The following CCBE1 variants were observed in gnomAD, a reference collection of about 807,000 sequenced individuals.
CCBE1 encodes collagen and calcium binding EGF domains 1.
In CCBE1, 37 loss-of-function variants were observed where a neutral mutation model predicts 50.0. That is an observed-to-expected ratio of 0.74 (90% CI 0.57 to 0.97). CCBE1 has a LOEUF of 0.97. Among genes scored for constraint, CCBE1 ranks in the 50% least tolerant of loss-of-function variants. CCBE1 has a pLI of 0.00. For missense variants in CCBE1, 538 were observed against 523.8 expected, an observed-to-expected ratio of 1.03 and a Z score of -0.26; for synonymous variants, 234 against 203.7, an observed-to-expected ratio of 1.15 and a Z score of -1.27.
At chr18:59,570,639 C>T (rs999784632) in intron 2 of CCBE1, among the ~76,000 whole-genome samples, 2 of 151,372 alleles carry the variant, frequency 1.3e-5, no homozygotes, top group Non-Finnish European at 2.9e-5. Context: ...AGTGACCTCT[C>T]AAGAAAATGA....
In CCBE1 at chr18:59,432,598, T is replaced by A. The variant is rs1388474313; in HGVS notation, c.*3310A>T. The stretch of plus-strand genomic sequence containing the variant: ...ATGATTTGGGCATAAAAAGTACATA[T>A]CAGTCTTGCAGTAGTCCAAGTTTTG... On this transcript the variant is annotated 3_prime_UTR_variant, in exon 11 of 11. Transcript: ENST00000439986. The A allele has an allele frequency of 6.6e-6, 1 of 152,186 alleles. No individual in the cohort carries two copies. The highest frequency in any genetic ancestry group is 1.5e-5 in the Non-Finnish European group (1 of 68,028). The allele number at this position is 152,186 out of a possible 1,614,324, so 9.4% of individuals were successfully genotyped here. A position where few individuals can be genotyped will look rare whatever the true frequency, so the allele number is the denominator to read the frequency against.
intron 2 of CCBE1, among the ~76,000 whole-genome samples, chr18:59,684,166 T>G (rs893929937): frequency 2.0e-5 from 3 of 152,150 alleles, no homozygotes; most frequent in African/African-American, 7.2e-5. Context: ...TCCACTCAGA[T>G]CCTCTCATGC....
chr18:59,468,685 A>G (rs971244106), intron 4 of CCBE1, among the ~76,000 whole-genome samples: 1 of 152,168 alleles, frequency 6.6e-6, no homozygotes, highest in African/African-American at 2.4e-5. Context: ...TTTATCTTCC[A>G]TGTAGGTCTA....
intron 2 of CCBE1, among the ~76,000 whole-genome samples, chr18:59,522,846 G>A (rs779902383): frequency 3.7e-4 from 57 of 152,004 alleles, no homozygotes; most frequent in Admixed American, 7.9e-4. Context: ...CAAAAAATTA[G>A]CCGGGCGTGG....
chr18:59,696,509 G>A (rs997869467), intron 2 of CCBE1, 120 bp downstream of exon 2: 1 of 1,562,950 alleles, frequency 6.4e-7, no homozygotes, highest in Non-Finnish European at 8.6e-7. Context: ...CACCCAGCAG[G>A]TTCCAGCGTA....
chr18:59,549,595 G>T (rs2144409875), intron 2 of CCBE1, among the ~76,000 whole-genome samples: 1 of 152,272 alleles, frequency 6.6e-6, no homozygotes, highest in Middle Eastern at 3.4e-3. Flanking sequence ...AAGTCCCACT[G>T]ACTTCTGTTA....
chr18:59,656,558 A>G (rs6567111), intron 2 of CCBE1, among the ~76,000 whole-genome samples: 69,301 of 152,128 alleles, frequency 0.46, 17,179 homozygotes, highest in African/African-American at 0.65. Flanking sequence ...TAAGGACGCC[A>G]CTCTGAGAAC....
At chr18:59,572,896 G>A (rs1022238473) in intron 2 of CCBE1, among the ~76,000 whole-genome samples, 2 of 152,160 alleles carry the variant, frequency 1.3e-5, no homozygotes, top group African/African-American at 4.8e-5. Flanking sequence ...CAGTTGCTTG[G>A]ACAAACACTA....
At chr18:59,667,936 T>C (rs2054377914) in intron 2 of CCBE1, among the ~76,000 whole-genome samples, 1 of 151,906 alleles carries the variant, frequency 6.6e-6, no homozygotes, top group African/African-American at 2.4e-5. Context: ...GGTGTTACGA[T>C]GGACACAGGG....
chr18:59,531,712 C>G (rs147435881), intron 2 of CCBE1, among the ~76,000 whole-genome samples: 1 of 152,170 alleles, frequency 6.6e-6, no homozygotes, highest in Non-Finnish European at 1.5e-5. Flanking sequence ...CCACTGCACT[C>G]CAGCCTGGGC....
chr18:59,445,370 G>C (rs1910623539), intron 7 of CCBE1, among the ~76,000 whole-genome samples: 1 of 152,162 alleles, frequency 6.6e-6, no homozygotes, highest in Non-Finnish European at 1.5e-5. Context: ...GGGCTGCTTA[G>C]TAAATGTTTT....
chr18:59,578,595 C>T (rs980435591), intron 2 of CCBE1, among the ~76,000 whole-genome samples: 1 of 152,212 alleles, frequency 6.6e-6, no homozygotes, highest in African/African-American at 2.4e-5. Context: ...GGCACATATA[C>T]ACCGTAGAAT....
Position 59,680,051 on chromosome 18 carries a change from T to C in CCBE1, c.212+16578A>G, listed in dbSNP as rs1043572958. On this transcript the variant is annotated intron_variant, in intron 2 of 10. Transcript: ENST00000439986. ...ACTCGGACAACATGGTGAAACCCCG[T>C]CTCTACTAAAAATACAAAAATCAGC... Among the ~76,000 whole-genome samples, 25 of 151,734 alleles carry C rather than the reference T, an allele frequency of 1.6e-4. No individual in the cohort carries two copies. The South Asian group carries it at 3.1e-3, about 19-fold the overall frequency.
intron 2 of CCBE1, among the ~76,000 whole-genome samples, chr18:59,672,338 C>T (rs549700907): frequency 7.9e-5 from 12 of 152,196 alleles, no homozygotes; most frequent in Non-Finnish European, 1.5e-4. Context: ...CAAATCTAGA[C>T]TGGCTGGCCC....
chr18:59,531,952 GA>G (rs1489891409), intron 2 of CCBE1, among the ~76,000 whole-genome samples: 2 of 152,168 alleles, frequency 1.3e-5, no homozygotes, highest in African/African-American at 4.8e-5. Flanking sequence ...TCCCTAAAAT[GA>G]CCATGTATCA....
intron 2 of CCBE1, among the ~76,000 whole-genome samples, chr18:59,542,283 T>TGCTAGTATTA (rs151135616): frequency 0.62 from 93,511 of 151,802 alleles, 29,310 homozygotes; most frequent in African/African-American, 0.7. Context: ...GAAATCTTAA[T>TGCTAGTATTA]AAATTCTTGA....
intron 2 of CCBE1, among the ~76,000 whole-genome samples, chr18:59,602,393 T>C (rs1423172962): frequency 6.6e-6 from 1 of 152,152 alleles, no homozygotes; most frequent in Non-Finnish European, 1.5e-5. Flanking sequence ...TTTCCTTCTA[T>C]CAATTCATTA....
intron 2 of CCBE1, among the ~76,000 whole-genome samples, chr18:59,547,523 G>A (rs1255252761): frequency 1.3e-5 from 2 of 152,104 alleles, no homozygotes; most frequent in Non-Finnish European, 2.9e-5. Context: ...TCAGCCACAA[G>A]AACAGAGCAA....
intron 2 of CCBE1, among the ~76,000 whole-genome samples, chr18:59,658,396 TATATATATATATATATATATAA>T (rs2054232389): frequency 5.1e-5 from 2 of 39,536 alleles, no homozygotes; most frequent in African/African-American, 9.8e-5. Context: ...TATATATATA[TATATATATATATATATATATAA>T]AGTTAGCTAC....
Sources: allele counts gnomAD v4.1 joint callset (sites outside exome capture counted in the v4.1 genomes callset), GRCh38; gene constraint gnomAD v4.1.1; transcripts MANE v1.5; gene names NCBI Gene and HGNC (gene_info 2026-07-23, HGNC 2026-07-21).